WDR70: variants seen among roughly 807,000 people sequenced by gnomAD.
WDR70 encodes the protein WD repeat-containing protein 70.
In WDR70, 53 loss-of-function variants were observed where a neutral mutation model predicts 88.6. The observed-to-expected ratio is 0.60, with a 90% CI of 0.48 to 0.75. The LOEUF (loss-of-function observed/expected upper bound fraction) is 0.75. Ranked by LOEUF, WDR70 falls within the 30% of genes least tolerant of loss-of-function variation. The pLI, the probability that WDR70 is intolerant of heterozygous loss-of-function variation, is 0.00. For missense variants in WDR70, 610 were observed against 823.2 expected, an observed-to-expected ratio of 0.74 and a Z score of 3.17; for synonymous variants, 280 against 270.0, an observed-to-expected ratio of 1.04 and a Z score of -0.36.
Position 37,526,227 on chromosome 5 carries a change from A to G in WDR70, c.917+9637A>G, listed in dbSNP as rs181358619. Among the ~76,000 whole-genome samples the G allele has an allele frequency of 6.9e-4, 105 of 152,310 alleles. 1 individual carries two copies. In the East Asian group the frequency reaches 0.018, roughly 26 times the overall value. On this transcript the variant is annotated intron_variant, in intron 9 of 17. Transcript: ENST00000265107. ...ATCCCTGATGAACATCAATGCAAAAATCCTCAATAAAATACTGACAAACCG... is the reference window on the plus strand; with the variant it reads ...ATCCCTGATGAACATCAATGCAAAAGTCCTCAATAAAATACTGACAAACCG...
chr5:37,524,257 G>A (rs1741188557), intron 9 of WDR70, among the ~76,000 whole-genome samples: 1 of 152,226 alleles, frequency 6.6e-6, no homozygotes, highest in African/African-American at 2.4e-5. Flanking sequence ...ACAAAGGGAA[G>A]CCCATCAGAA....
At chr5:37,507,254 A>G (rs889795720) in intron 8 of WDR70, among the ~76,000 whole-genome samples, 1 of 152,038 alleles carries the variant, frequency 6.6e-6, no homozygotes, top group African/African-American at 2.4e-5. Context: ...TTTTGTACAT[A>G]TTTATGGGGT....
chr5:37,502,008 G>A (rs1474559471), intron 8 of WDR70, among the ~76,000 whole-genome samples: 1 of 152,114 alleles, frequency 6.6e-6, no homozygotes, highest in Admixed American at 6.6e-5. Context: ...CCTTGAATCT[G>A]TAGATTGCTT....
intron 10 of WDR70, among the ~76,000 whole-genome samples, chr5:37,696,084 T>C (rs78332518): frequency 0.06 from 9,138 of 152,268 alleles, 348 homozygotes; most frequent in South Asian, 0.15. Flanking sequence ...TGTGCTGATC[T>C]GTATCCTTTC....
intron 10 of WDR70, chr5:37,619,938 T>A (rs1423607378): frequency 6.8e-6 from 1 of 146,778 alleles, no homozygotes; most frequent in Non-Finnish European, 1.5e-5. Flanking sequence ...TTTTTTTTTT[T>A]AGCACAGATT....
At chr5:37,472,273 T>A (rs1417193847) in intron 7 of WDR70, among the ~76,000 whole-genome samples, 1 of 152,040 alleles carries the variant, frequency 6.6e-6, no homozygotes, top group Non-Finnish European at 1.5e-5. Flanking sequence ...TTCTCTTGAT[T>A]CTTTTTCATT....
chr5:37,433,476 G>A (rs1191166083), intron 5 of WDR70, among the ~76,000 whole-genome samples: 2 of 152,120 alleles, frequency 1.3e-5, no homozygotes, highest in Non-Finnish European at 2.9e-5. Context: ...GTATACAGTT[G>A]GCCCTTTGAG....
rs531525501 is a variant in WDR70, at chr5:37,629,740, A to G, written c.1092+24502A>G. 1.1e-4 allele frequency among the ~76,000 whole-genome samples: 17 copies of G among 152,140 alleles called. No homozygotes were observed. The East Asian group carries it at 2.9e-3, about 26-fold the overall frequency. On this transcript the variant is annotated intron_variant, in intron 10 of 17. Transcript: ENST00000265107. ...TCTTGTATCTCACTCAGTTTCCTTA[A>G]GATTATTATTTTGAATTCTTTTTCT...
At chr5:37,381,880 C>T in intron 3 of WDR70, 195 bp downstream of exon 3, 2 of 396,474 alleles carry the variant, frequency 5.0e-6, no homozygotes, top group Non-Finnish European at 4.9e-6. Flanking sequence ...ATGGTGAAAC[C>T]CCATCTCAAC....
At position 37,725,064 on chromosome 5, in the gene WDR70, A is replaced by G. The variant is rs750767363; in HGVS notation, c.1714+14A>G. On this transcript the variant is annotated intron_variant, in intron 16 of 17. Coordinates refer to ENST00000265107, the MANE Select transcript of WDR70 (RefSeq NM_018034.4). ...TAGCAGGCCCAGGTGACTGTGATCC[A>G]GCTAGTGACCTGCAGAGGGGGTTCA... 20 of 1,610,508 alleles carry G rather than the reference A, an allele frequency of 1.2e-5. No homozygotes were observed. The highest frequency in any genetic ancestry group is 1.6e-5 in the Non-Finnish European group (19 of 1,177,310).
At chr5:37,499,699 G>A (rs1046533433) in intron 8 of WDR70, among the ~76,000 whole-genome samples, 6 of 150,254 alleles carry the variant, frequency 4.0e-5, no homozygotes, top group African/African-American at 1.5e-4. Flanking sequence ...GATTATAGGT[G>A]CACACCACCG....
intron 9 of WDR70, among the ~76,000 whole-genome samples, chr5:37,539,885 T>C (rs1741765549): frequency 6.6e-6 from 1 of 152,210 alleles, no homozygotes; most frequent in Non-Finnish European, 1.5e-5. Flanking sequence ...TGTCCTGAAG[T>C]CCCAAAATTC....
At chr5:37,480,788 C>T (rs902058141) in intron 8 of WDR70, among the ~76,000 whole-genome samples, 4 of 152,124 alleles carry the variant, frequency 2.6e-5, no homozygotes, top group Non-Finnish European at 4.4e-5. Flanking sequence ...CCCAAAGTCC[C>T]CCAAACTCTT....
chr5:37,728,277 G>A (rs1342561809), intron 17 of WDR70, among the ~76,000 whole-genome samples: 1 of 150,950 alleles, frequency 6.6e-6, no homozygotes, highest in Admixed American at 6.6e-5. Flanking sequence ...GAACCCGGGA[G>A]GTGGAGGTTG....
chr5:37,625,841 A>C (rs1744648120), intron 10 of WDR70, among the ~76,000 whole-genome samples: 1 of 151,838 alleles, frequency 6.6e-6, no homozygotes. Context: ...CCCATATTTT[A>C]ATTGGATTTG....
chr5:37,550,945 T>C (rs1742123807), intron 9 of WDR70, among the ~76,000 whole-genome samples: 1 of 152,200 alleles, frequency 6.6e-6, no homozygotes, highest in Non-Finnish European at 1.5e-5. Context: ...TTGTAACCCA[T>C]TATTTTAAGA....
At chr5:37,582,218 A>C (rs952699425) in intron 9 of WDR70, among the ~76,000 whole-genome samples, 1 of 152,034 alleles carries the variant, frequency 6.6e-6, no homozygotes, top group African/African-American at 2.4e-5. Context: ...TTCTGGAGTA[A>C]ATTTAAGAGT....
At chr5:37,459,295 T>C (rs1279676652) in intron 7 of WDR70, among the ~76,000 whole-genome samples, 2 of 119,992 alleles carry the variant, frequency 1.7e-5, no homozygotes, top group Non-Finnish European at 3.7e-5. Context: ...GAAAAAAATG[T>C]ATATTCTTTT....
At chr5:37,670,219 A>AC (rs1581480247) in intron 10 of WDR70, among the ~76,000 whole-genome samples, 1 of 141,010 alleles carries the variant, frequency 7.1e-6, no homozygotes, top group East Asian at 2.2e-4. Flanking sequence ...AGAAAAGAAA[A>AC]AAAGGGGGAG....
Sources: gnomAD v4.1 joint callset for allele counts (sites outside exome capture counted in the v4.1 genomes callset) on GRCh38, gnomAD v4.1.1 for gene constraint, MANE v1.5 for transcripts, NCBI Gene and HGNC (gene_info 2026-07-23, HGNC 2026-07-21) for gene names.